FBN1: variants seen among roughly 807,000 people sequenced by gnomAD.
FBN1 encodes fibrillin 1, also known as fibrillin-1.
FBN1 carries 29 observed loss-of-function variants against 365.1 expected under a neutral mutation model. The ratio of observed to expected loss-of-function variants is 0.08; its 90% CI spans 0.06 to 0.11. The LOEUF (loss-of-function observed/expected upper bound fraction) is 0.11, where lower values mean the gene tolerates loss of function less well. Among genes scored for constraint, FBN1 ranks in the 10% least tolerant of loss-of-function variants. The pLI, the probability that FBN1 is intolerant of heterozygous loss-of-function variation, is 1.00. For synonymous variants in FBN1, 1,210 were observed against 1,270.5 expected (o/e 0.95, Z 1.01); for missense variants, 2,476 against 3,703.2 (o/e 0.67, Z 8.60).
At chr15:48,632,525 T>C (rs1187263423) in intron 2 of FBN1, among the ~76,000 whole-genome samples, 1 of 152,202 alleles carries the variant, frequency 6.6e-6, no homozygotes, top group African/African-American at 2.4e-5. Context: ...GTCAAATCAC[T>C]CGTCTGAGGT....
At chr15:48,573,493 CAAT>C (rs1488611998) in intron 6 of FBN1, among the ~76,000 whole-genome samples, 5 of 152,046 alleles carry the variant, frequency 3.3e-5, no homozygotes, top group Non-Finnish European at 7.4e-5. Flanking sequence ...TTTAAAATAA[CAAT>C]AATAATTAAG....
At chr15:48,453,131 C>T (rs959935873) in intron 44 of FBN1, among the ~76,000 whole-genome samples, 2 of 151,972 alleles carry the variant, frequency 1.3e-5, no homozygotes, top group African/African-American at 2.4e-5. Flanking sequence ...TGGCGGGCAC[C>T]TGCAATCCCA....
intron 4 of FBN1, among the ~76,000 whole-genome samples, chr15:48,603,931 C>A (rs2044586713): frequency 6.6e-6 from 1 of 152,162 alleles, no homozygotes. Flanking sequence ...GTTGCCATCT[C>A]CCCATATCCA....
intron 2 of FBN1, among the ~76,000 whole-genome samples, chr15:48,616,930 A>C (rs1027915314): frequency 6.6e-6 from 1 of 152,220 alleles, no homozygotes; most frequent in African/African-American, 2.4e-5. Context: ...CTATGGCTTA[A>C]GAAGGTCAAA....
chr15:48,425,804 C>T lies in FBN1; in HGVS notation c.7265G>A (p.Arg2422Lys), dbSNP rs757001354. ...TTTACAAATGCAATGATATGATCCT[C>T]TGTCATTGACACATTCCCCATTTCG... ...VCRNGECVND[R>K]GSYHCICKTG... The change falls in exon 59 of 66, where the codon AGA becomes AAA. Residue 2422 changes from arginine (R) to lysine (K), a missense_variant. Arg to Lys is a conservative substitution (Grantham distance 26). Around this residue, in one of 5 missense-constraint regions of FBN1, gnomAD observed 1,780 missense variants for 2,840.8 expected, o/e 0.63. Coordinates refer to ENST00000316623, the MANE Select transcript of FBN1 (RefSeq NM_000138.5). 6.2e-7 allele frequency: 1 copy of T among 1,609,424 alleles called. No individual in the cohort carries two copies. Among genetic ancestry groups the T allele is most frequent in the Non-Finnish European group, 8.5e-7 (1 of 1,175,754 alleles).
chr15:48,612,913 A>T, intron 3 of FBN1, 97 bp downstream of exon 3: 1 of 880,240 alleles, frequency 1.1e-6, no homozygotes, highest in Non-Finnish European at 2.0e-6. Context: ...TCAACAGATT[A>T]ATAGTACAGT....
intron 6 of FBN1, among the ~76,000 whole-genome samples, chr15:48,572,408 A>G (rs1475145871): frequency 2.0e-5 from 3 of 152,134 alleles, no homozygotes; most frequent in Admixed American, 6.6e-5. Flanking sequence ...AGTTTTCAAT[A>G]AAGGGGAGAA....
Position 48,617,657 on chromosome 15 carries a change from G to T in FBN1, c.165-4565C>A, listed in dbSNP as rs185102964. The stretch of plus-strand genomic sequence containing the variant: ...GAACCCAACTCCAAACACCCTGGGG[G>T]ATGAGTGAGTCTCAGCAGGTTTGAT... On this transcript the variant is annotated intron_variant, in intron 2 of 65. Transcript: ENST00000316623. 7.4e-3 allele frequency among the ~76,000 whole-genome samples: 1,131 copies of T among 152,234 alleles called. 4 individuals are homozygous for T. Among genetic ancestry groups the T allele is most frequent in the Non-Finnish European group, 0.013 (867 of 68,016 alleles).
chr15:48,627,527 T>A (rs1889906910), intron 2 of FBN1, among the ~76,000 whole-genome samples: 1 of 152,234 alleles, frequency 6.6e-6, no homozygotes, highest in East Asian at 1.9e-4. Context: ...GTGGCTTGTC[T>A]TTTGAAAAGT....
At position 48,499,666 on chromosome 15, in the gene FBN1, T is replaced by C. The variant is rs1381523184; in HGVS notation, c.2114-628A>G. Among the ~76,000 whole-genome samples, 8 of 152,334 alleles carry C rather than the reference T, an allele frequency of 5.3e-5. 1 individual carries two copies. In the South Asian group the frequency reaches 1.0e-3, roughly 20 times the overall value. ...TGAAAAAACTGAAGTATAAAGAATA[T>C]GTCCCCAAATTTGAGATAGAATCAA... On this transcript the variant is annotated intron_variant, in intron 17 of 65. Coordinates refer to ENST00000316623, the MANE Select transcript of FBN1 (RefSeq NM_000138.5).
intron 6 of FBN1, among the ~76,000 whole-genome samples, chr15:48,588,944 C>T (rs2044456063): frequency 6.6e-6 from 1 of 152,172 alleles, no homozygotes; most frequent in South Asian, 2.1e-4. Context: ...AACTGTCTGG[C>T]CAGATGCTTG....
At chr15:48,447,251 C>T (rs1450360580) in intron 46 of FBN1, among the ~76,000 whole-genome samples, 1 of 152,144 alleles carries the variant, frequency 6.6e-6, no homozygotes, top group African/African-American at 2.4e-5. Context: ...AGCAGTGACT[C>T]ACCTGGCATT....
At chr15:48,542,031 C>T (rs1346371965) in intron 6 of FBN1, among the ~76,000 whole-genome samples, 1 of 152,184 alleles carries the variant, frequency 6.6e-6, no homozygotes, top group East Asian at 1.9e-4. Context: ...TGTTCCCATT[C>T]TGAGTGGTTA....
rs2043416414 is a variant in FBN1, at chr15:48,476,129, CAGTGCTA to C, written c.3965-1486_3965-1480del. Among the ~76,000 whole-genome samples the C allele has an allele frequency of 1.3e-5, 2 of 152,204 alleles. 1 individual carries two copies. Among genetic ancestry groups the C allele is most frequent in the South Asian group, 4.1e-4 (2 of 4,832 alleles). On this transcript the variant is annotated intron_variant, in intron 32 of 65. Transcript: ENST00000316623. ...AGGAGGAAGGCCAATTCAGGGATAACAGTGCTAAGTAGGCACAGGAATTCAAGAATGT... is the reference window on the plus strand; with the variant it reads ...AGGAGGAAGGCCAATTCAGGGATAACAGTAGGCACAGGAATTCAAGAATGT...
chr15:48,472,603 G>A lies in FBN1; in HGVS notation c.4284C>T (p.Arg1428=), dbSNP rs1482045506. ...GQCLNAPGGY[R]CECDMGFVPS... ...GCACGAAGCCCATGTCGCATTCACA[G>A]CGGTATCCTCCTGGTGCATTGAGGC... is the stretch of plus-strand genomic sequence containing the variant. Residue 1428 remains arginine (R), a synonymous_variant, in exon 35 of 66, where the codon CGC becomes CGT. Transcript: ENST00000316623. 1 of 1,614,172 alleles carries A rather than the reference G, an allele frequency of 6.2e-7. No homozygotes were observed. Among genetic ancestry groups the A allele is most frequent in the Non-Finnish European group, 8.5e-7 (1 of 1,180,036 alleles).
intron 23 of FBN1, among the ~76,000 whole-genome samples, chr15:48,493,324 AAG>A (rs2043577471): frequency 6.6e-6 from 1 of 152,242 alleles, no homozygotes; most frequent in Non-Finnish European, 1.5e-5. Context: ...CCAAAAAAAA[AAG>A]AGGGGGGAAC....
At chr15:48,462,951 T>C (rs2043290669) in intron 42 of FBN1, 131 bp downstream of exon 42, 1 of 895,950 alleles carries the variant, frequency 1.1e-6, no homozygotes, top group Non-Finnish European at 1.8e-6. Flanking sequence ...TGAATTTAAA[T>C]CATGAGCCGT....
chr15:48,497,377 C>A lies in FBN1; in HGVS notation c.2182G>T (p.Ala728Ser), dbSNP rs774122525. ...TSAGSDINEC[A>S]LDPDICPNGI... Reference sequence around the variant, plus strand: ...TTTGGGCAAATATCAGGATCTAGTGCACATTCATTTATATCTGCACCACAA... The same window carrying A: ...TTTGGGCAAATATCAGGATCTAGTGAACATTCATTTATATCTGCACCACAA... Residue 728 changes from alanine (A) to serine (S), a missense_variant, in exon 19 of 66, where the codon GCA (alanine) becomes TCA (serine). Physicochemically the swap from Ala to Ser is moderately conservative, Grantham distance 99. Transcript: ENST00000316623. 2.5e-6 allele frequency: 4 copies of A among 1,613,638 alleles called. No homozygotes were observed. The highest frequency in any genetic ancestry group is 3.4e-6 in the Non-Finnish European group (4 of 1,179,676).
At chr15:48,598,050 C>G (rs1181522316) in intron 5 of FBN1, among the ~76,000 whole-genome samples, 1 of 152,188 alleles carries the variant, frequency 6.6e-6, no homozygotes, top group East Asian at 1.9e-4. Flanking sequence ...TTAGTTAGGA[C>G]TTGTCTTCCT....
Sources: gnomAD v4.1 joint callset for allele counts (sites outside exome capture counted in the v4.1 genomes callset) on GRCh38, gnomAD v4.1.1 for gene constraint, gnomAD v4.1.1 regional missense constraint, MANE v1.5 for transcripts, NCBI Gene and HGNC (gene_info 2026-07-23, HGNC 2026-07-21) for gene names.